SLC22A4: variants seen among roughly 807,000 people sequenced by gnomAD.
SLC22A4 encodes ET transporter.
Under a neutral mutation model 56.6 loss-of-function variants are expected in SLC22A4, and 39 were observed. The observed-to-expected ratio is 0.69, with a 90% CI of 0.53 to 0.90. The LOEUF (loss-of-function observed/expected upper bound fraction) is 0.90. Ranked by LOEUF, SLC22A4 falls within the 40% of genes least tolerant of loss-of-function variation. SLC22A4 has a pLI of 0.00. For missense variants in SLC22A4, 594 were observed against 696.5 expected (o/e 0.85, Z 1.66); for synonymous variants, 241 against 281.4 (o/e 0.86, Z 1.44).
rs1561531508 is a variant in SLC22A4, at chr5:132,294,815, G to A, written c.199G>A (p.Val67Ile). ...NLSSAWRNNSVPLRLRDGREV... is the reference protein window; with the variant it reads ...NLSSAWRNNSIPLRLRDGREV... ...GAGCAGCGCCTGGCGCAACAACAGT[G>A]TCCCGCTGCGGCTGCGGGACGGCCG... Residue 67 changes from valine to isoleucine, a missense_variant, in exon 1 of 10, where the codon GTC becomes ATC. By Grantham distance (29) the Val-to-Ile change is conservative (BLOSUM62 3). Coordinates refer to ENST00000200652, the MANE Select transcript of SLC22A4 (RefSeq NM_003059.3). This position sits in a 1 kb window ranked among gnomAD's most constrained non-coding sequence, Gnocchi z 5.6. The A allele has an allele frequency of 6.2e-7, 1 of 1,611,906 alleles. No individual in the cohort carries two copies. The highest frequency in any genetic ancestry group is 2.2e-5 in the East Asian group (1 of 44,834).
chr5:132,318,561 C>T (rs1750431961), intron 3 of SLC22A4, among the ~76,000 whole-genome samples: 1 of 152,082 alleles, frequency 6.6e-6, no homozygotes, highest in African/African-American at 2.4e-5. Context: ...AGGTGCATGT[C>T]CTGCCTCTGT....
At chr5:132,336,408 C>T (rs1751027847) in intron 8 of SLC22A4, among the ~76,000 whole-genome samples, 1 of 152,080 alleles carries the variant, frequency 6.6e-6, no homozygotes, top group Non-Finnish European at 1.5e-5. Context: ...CCTGTAATCC[C>T]GGCTACTCTG....
At chr5:132,328,924 TATATATACAC>T (rs2126730453) in intron 5 of SLC22A4, among the ~76,000 whole-genome samples, 1 of 22,318 alleles carries the variant, frequency 4.5e-5, no homozygotes, top group South Asian at 5.4e-4. Context: ...TATATATATA[TATATATACAC>T]ACACACACTT....
Position 132,307,032 on chromosome 5 carries a change from G to C in SLC22A4, c.394-5129G>C, listed in dbSNP as rs138506591. Among the ~76,000 whole-genome samples the C allele has an allele frequency of 5.2e-3, 785 of 152,284 alleles. 8 individuals are homozygous for C. The highest frequency in any genetic ancestry group is 0.018 in the African/African-American group (763 of 41,560). The stretch of plus-strand genomic sequence containing the variant: ...AAAATTCTAAAATCAGATCATTGCT[G>C]ATGGTTGCTGAAGTCTGTGAATATA... On this transcript the variant is annotated intron_variant, in intron 1 of 9. Coordinates refer to ENST00000200652, the MANE Select transcript of SLC22A4 (RefSeq NM_003059.3).
intron 1 of SLC22A4, among the ~76,000 whole-genome samples, chr5:132,306,384 AATATATATATATATATATATATAT>A (rs55779142): frequency 0.026 from 794 of 30,580 alleles, 44 homozygotes; most frequent in Non-Finnish European, 0.028. Context: ...CAAACCGTGA[AATATATATATATATATATATATAT>A]ATATATATAT....
At position 132,312,219 on chromosome 5, in the gene SLC22A4, T is replaced by C. The variant is rs765292870; in HGVS notation, c.452T>C (p.Val151Ala). The change falls in exon 2 of 10, where the codon GTA becomes GCA. Residue 151 changes from valine to alanine, a missense_variant. Coordinates refer to ENST00000200652, the MANE Select transcript of SLC22A4 (RefSeq NM_003059.3). ...KVPLTTSLFFVGVLLGSFVSG... is the reference protein window; with the variant it reads ...KVPLTTSLFFAGVLLGSFVSG... ...CCCCTCACCACCTCCCTGTTCTTCG[T>C]AGGCGTGCTCCTCGGCTCCTTCGTG... 3 of 1,613,956 alleles carry C rather than the reference T, an allele frequency of 1.9e-6. No individual in the cohort carries two copies. Among genetic ancestry groups the C allele is most frequent in the East Asian group, 2.2e-5 (1 of 44,874 alleles).
At chr5:132,304,012 C>T (rs1475308993) in intron 1 of SLC22A4, among the ~76,000 whole-genome samples, 2 of 152,140 alleles carry the variant, frequency 1.3e-5, no homozygotes, top group East Asian at 3.8e-4. Flanking sequence ...TAGTGGTAAG[C>T]AACTAAAAGG....
Position 132,312,170 on chromosome 5 carries a change from G to A in SLC22A4, c.403G>A (p.Val135Met). Residue 135 changes from valine (V) to methionine (M), a missense_variant, in exon 2 of 10, where the codon GTG becomes ATG. Coordinates refer to ENST00000200652, the MANE Select transcript of SLC22A4 (RefSeq NM_003059.3). The part of the protein sequence containing the change: ...LSTVVTEWNL[V>M]CEDNWKVPLT... The stretch of plus-strand genomic sequence containing the variant: ...CTGTCTTCCTTGGCAGTGGAATCTG[G>A]TGTGTGAGGACAACTGGAAGGTGCC... 1 of 1,607,542 alleles carries A rather than the reference G, an allele frequency of 6.2e-7. No individual in the cohort carries two copies.
chr5:132,333,398 G>A (rs1402857247), intron 6 of SLC22A4, among the ~76,000 whole-genome samples: 3 of 152,248 alleles, frequency 2.0e-5, no homozygotes, highest in Non-Finnish European at 4.4e-5. Context: ...ACTTCTAAAA[G>A]GCAGGGGAGG....
Position 132,294,481 on chromosome 5 carries a change from G to C in SLC22A4, c.-136G>C. On this transcript the variant is annotated 5_prime_UTR_variant, in exon 1 of 10. Transcript: ENST00000200652. The surrounding 1 kb of genome is among the most constrained non-coding windows in gnomAD (Gnocchi z 5.6). ...TTTCCCAGGAACGGTCCCCGGCTTC[G>C]CGCCCCAATTTCTAACAGCCTGCCT... 7.9e-7 allele frequency: 1 copy of C among 1,262,514 alleles called. No individual in the cohort carries two copies. Among genetic ancestry groups the C allele is most frequent in the Non-Finnish European group, 1.1e-6 (1 of 899,482 alleles). 78.2% of individuals were successfully genotyped at this position (1,262,514 alleles called of 1,614,324 possible).
At chr5:132,312,699 C>G in intron 2 of SLC22A4, among the ~76,000 whole-genome samples, 1 of 152,250 alleles carries the variant, frequency 6.6e-6, no homozygotes, top group Non-Finnish European at 1.5e-5. Flanking sequence ...GCTGCTGTGG[C>G]TTGGACCCTG....
chr5:132,335,064 T>C (rs1580846418), intron 7 of SLC22A4, 132 bp downstream of exon 7: 1 of 729,290 alleles, frequency 1.4e-6, no homozygotes, highest in Admixed American at 2.0e-5. Flanking sequence ...AGACAGGTGA[T>C]TGCTCACTAC....
At chr5:132,331,962 A>C (rs1750870957) in intron 6 of SLC22A4, 112 bp downstream of exon 6, 2 of 751,252 alleles carry the variant, frequency 2.7e-6, no homozygotes, top group South Asian at 2.9e-5. Context: ...AGGAAAAATT[A>C]AGATTATAAA....
At chr5:132,310,622 G>T (rs1750156319) in intron 1 of SLC22A4, among the ~76,000 whole-genome samples, 1 of 152,198 alleles carries the variant, frequency 6.6e-6, no homozygotes, top group South Asian at 2.1e-4. Context: ...CTTCTGCAGA[G>T]CTGTGTTGGG....
At chr5:132,302,017 G>A (rs1020442905) in intron 1 of SLC22A4, among the ~76,000 whole-genome samples, 1 of 152,236 alleles carries the variant, frequency 6.6e-6, no homozygotes, top group Non-Finnish European at 1.5e-5. Context: ...TCCAGTCAAT[G>A]CTTCAGAAAG....
chr5:132,334,333 G>C (rs1750954109), intron 6 of SLC22A4, among the ~76,000 whole-genome samples: 3 of 152,148 alleles, frequency 2.0e-5, no homozygotes, highest in Admixed American at 1.3e-4. Flanking sequence ...TCATATAATA[G>C]CTCTAAGAGA....
At chr5:132,322,542 A>C (rs1368112309) in intron 4 of SLC22A4, among the ~76,000 whole-genome samples, 187 bp downstream of exon 4, 10 of 152,162 alleles carry the variant, frequency 6.6e-5, no homozygotes, top group Admixed American at 6.5e-4. Flanking sequence ...TTGAGTCTCC[A>C]TTGTCCTAAA....
At chr5:132,342,400 C>T (rs1160562129) in intron 9 of SLC22A4, among the ~76,000 whole-genome samples, 1 of 152,130 alleles carries the variant, frequency 6.6e-6, no homozygotes, top group African/African-American at 2.4e-5. Flanking sequence ...AAAAATAAAA[C>T]AATTCAACAT....
intron 6 of SLC22A4, among the ~76,000 whole-genome samples, chr5:132,334,390 C>T (rs921236510): frequency 6.6e-6 from 1 of 152,156 alleles, no homozygotes; most frequent in Admixed American, 6.5e-5. Flanking sequence ...TTGAAATCAA[C>T]TAGCTGAGAA....
Sources: allele counts gnomAD v4.1 joint callset (sites outside exome capture counted in the v4.1 genomes callset), GRCh38; gene constraint gnomAD v4.1.1; non-coding constraint Gnocchi (gnomAD v3.1); transcripts MANE v1.5; gene names NCBI Gene and HGNC (gene_info 2026-07-23, HGNC 2026-07-21).